Variants in DNAJC3 observed in about 807,000 individuals in gnomAD.
The protein encoded by DNAJC3 is DnaJ heat shock protein family (Hsp40) member C3.
In DNAJC3, 38 loss-of-function variants were observed where a neutral mutation model predicts 68.6. The observed-to-expected ratio is 0.55, with a 90% CI of 0.43 to 0.73. The LOEUF (loss-of-function observed/expected upper bound fraction) is 0.73. DNAJC3 is among the 30% of genes least tolerant of loss of function. The pLI is 0.00. For synonymous variants in DNAJC3, 203 were observed against 204.0 expected, an observed-to-expected ratio of 1.00 and a Z score of 0.04; for missense variants, 526 against 591.9, an observed-to-expected ratio of 0.89 and a Z score of 1.16.
chr13:95,701,088 A>C (rs1002446405), intron 1 of DNAJC3, among the ~76,000 whole-genome samples: 6 of 151,936 alleles, frequency 3.9e-5, no homozygotes, highest in Admixed American at 1.3e-4. Context: ...CATCCTTCCT[A>C]CTTTTCCTTC....
intron 4 of DNAJC3, among the ~76,000 whole-genome samples, chr13:95,754,059 T>G (rs764670181): frequency 2.0e-5 from 3 of 152,226 alleles, no homozygotes; most frequent in Non-Finnish European, 2.9e-5. Context: ...GTTAGCAGCT[T>G]AAGTAACACA....
intron 4 of DNAJC3, among the ~76,000 whole-genome samples, chr13:95,735,832 C>T (rs1017555117): frequency 6.8e-4 from 104 of 152,254 alleles, no homozygotes; most frequent in Non-Finnish European, 1.3e-3. Flanking sequence ...TTAATTAGAT[C>T]CCATTTGTCA....
Position 95,760,158 on chromosome 13 carries a change from C to G in DNAJC3, c.665C>G (p.Thr222Ser). Residue 222 changes from threonine to serine, a missense_variant, in exon 6 of 12, where the codon ACT (threonine) becomes AGT (serine). Transcript: ENST00000602402. ...KAASKLKNDN[T>S]EAFYKISTLY... Reference sequence around the variant, plus strand: ...GCGTCAAAGTTGAAGAATGATAATACTGAAGCGTTTTATAAAATAAGCACA... The same window carrying G: ...GCGTCAAAGTTGAAGAATGATAATAGTGAAGCGTTTTATAAAATAAGCACA... 6.2e-7 allele frequency: 1 copy of G among 1,612,300 alleles called. No individual in the cohort carries two copies. The highest frequency in any genetic ancestry group is 1.1e-5 in the South Asian group (1 of 90,846).
intron 1 of DNAJC3, chr13:95,693,244 C>T (rs1880329908): frequency 6.6e-6 from 1 of 152,202 alleles, no homozygotes; most frequent in African/African-American, 2.4e-5. Flanking sequence ...TTACTTCTTC[C>T]TCCCTTATTA....
In DNAJC3 at chr13:95,723,366, A is replaced by G. The variant is rs759927032; in HGVS notation, c.318A>G (p.Ala106=). The G allele has an allele frequency of 3.9e-5, 63 of 1,606,982 alleles. No homozygotes were observed. The highest frequency in any genetic ancestry group is 2.5e-6 in the Non-Finnish European group (3 of 1,176,884). ...KVIQLKMDFT[A]ARLQRGHLLL... is the part of the protein sequence containing the mutation. Reference sequence around the variant, plus strand: ...TTCAATTGAAGATGGACTTCACTGCAGTAAGTATATCTCAACTTTCTTTAA... The same window carrying G: ...TTCAATTGAAGATGGACTTCACTGCGGTAAGTATATCTCAACTTTCTTTAA... Residue 106 remains alanine, a splice_region_variant and synonymous_variant, in exon 3 of 12, where the codon GCA becomes GCG. Coordinates refer to ENST00000602402, the MANE Select transcript of DNAJC3 (RefSeq NM_006260.5).
At chr13:95,783,260 A>G (rs1883505584) in intron 9 of DNAJC3, among the ~76,000 whole-genome samples, 1 of 152,218 alleles carries the variant, frequency 6.6e-6, no homozygotes, top group African/African-American at 2.4e-5. Flanking sequence ...TGAATATAGG[A>G]AACAACCTAT....
chr13:95,678,624 C>T lies in DNAJC3; in HGVS notation c.82+1287C>T, dbSNP rs149930181. The stretch of plus-strand genomic sequence containing the variant: ...TTTTCAAAAGCTTCATTCCTCCTGC[C>T]CCCGCACCCCACCATCCCTCATCTG... On this transcript the variant is annotated intron_variant, in intron 1 of 11. Coordinates refer to ENST00000602402, the MANE Select transcript of DNAJC3 (RefSeq NM_006260.5). Among the ~76,000 whole-genome samples the T allele has an allele frequency of 3.6e-3, 546 of 152,238 alleles. 4 individuals carry two copies. The highest frequency in any genetic ancestry group is 0.012 in the African/African-American group (514 of 41,524).
rs549475946 is a variant in DNAJC3, at chr13:95,793,719, T to C, written c.*2689T>C. 6.6e-4 allele frequency: 100 copies of C among 152,174 alleles called. 1 individual carries two copies. In the Middle Eastern group the frequency reaches 0.01, roughly 15 times the overall value. The allele number at this position is 152,174 out of a possible 1,614,324, so 9.4% of individuals were successfully genotyped here. The stretch of plus-strand genomic sequence containing the variant: ...CCTTGTGATCTGCCCGCCTTGGCCT[T>C]CCAAAGTGTTGGGATTACAGGCGTG... On this transcript the variant is annotated 3_prime_UTR_variant, in exon 12 of 12. Coordinates refer to ENST00000602402, the MANE Select transcript of DNAJC3 (RefSeq NM_006260.5).
intron 4 of DNAJC3, among the ~76,000 whole-genome samples, chr13:95,735,460 C>T (rs1227518731): frequency 5.8e-5 from 8 of 137,872 alleles, no homozygotes; most frequent in East Asian, 2.1e-4. Context: ...GTTCCTATTT[C>T]TCCACATCCT....
intron 9 of DNAJC3, among the ~76,000 whole-genome samples, chr13:95,781,426 T>C (rs1461256792): frequency 6.6e-6 from 1 of 152,108 alleles, no homozygotes; most frequent in Non-Finnish European, 1.5e-5. Flanking sequence ...TGTGCTTGCA[T>C]TGTGGTTCTC....
intron 4 of DNAJC3, among the ~76,000 whole-genome samples, chr13:95,727,046 G>A (rs1881549663): frequency 6.6e-6 from 1 of 152,160 alleles, no homozygotes; most frequent in Non-Finnish European, 1.5e-5. Flanking sequence ...CTGGGTGGTG[G>A]GGAGGTGATA....
intron 9 of DNAJC3, among the ~76,000 whole-genome samples, chr13:95,771,795 A>AC (rs1355045661): frequency 1.0e-4 from 12 of 116,302 alleles, no homozygotes; most frequent in South Asian, 2.9e-4. Flanking sequence ...TTCCCATCCC[A>AC]CCCCCCCACA....
chr13:95,790,935 G>A lies in DNAJC3; in HGVS notation c.1420G>A (p.Gly474Ser), dbSNP rs371041029. The A allele has an allele frequency of 1.6e-5, 25 of 1,609,176 alleles. No homozygotes were observed. The highest frequency in any genetic ancestry group is 2.2e-5 in the East Asian group (1 of 44,844). ...PLDAESQQGG[G>S]GNPFHRSWNS... ...GGATGCAGAGAGCCAGCAAGGAGGC[G>A]GCGGCAACCCTTTCCACAGAAGCTG... Residue 474 changes from glycine (G) to serine (S), a missense_variant, in exon 12 of 12, where the codon GGC (glycine) becomes AGC (serine). Physicochemically the swap from Gly to Ser is moderately conservative, Grantham distance 56 (BLOSUM62 0). Coordinates refer to ENST00000602402, the MANE Select transcript of DNAJC3 (RefSeq NM_006260.5).
At chr13:95,777,943 T>C (rs924886995) in intron 9 of DNAJC3, among the ~76,000 whole-genome samples, 1 of 152,334 alleles carries the variant, frequency 6.6e-6, no homozygotes. Flanking sequence ...ATTGAAATTT[T>C]ATAGACTATG....
intron 4 of DNAJC3, among the ~76,000 whole-genome samples, chr13:95,726,457 G>A (rs1010678422): frequency 4.6e-5 from 7 of 152,074 alleles, no homozygotes; most frequent in Admixed American, 3.9e-4. Context: ...GTGTTTTTTG[G>A]CTGCATAAAT....
intron 4 of DNAJC3, among the ~76,000 whole-genome samples, chr13:95,734,742 T>C (rs918876291): frequency 1.3e-5 from 2 of 152,130 alleles, no homozygotes; most frequent in African/African-American, 4.8e-5. Flanking sequence ...TTTTTCTGAT[T>C]GGCTTATTTC....
intron 4 of DNAJC3, among the ~76,000 whole-genome samples, chr13:95,740,657 GCC>G (rs1882107017): frequency 6.6e-6 from 1 of 151,836 alleles, no homozygotes; most frequent in Non-Finnish European, 1.5e-5. Context: ...GCAATGCCTC[GCC>G]CTGCTTCGGC....
intron 9 of DNAJC3, 71 bp downstream of exon 9, chr13:95,764,024 T>C: frequency 1.3e-6 from 2 of 1,559,978 alleles, no homozygotes. Flanking sequence ...TAAGCTTCCT[T>C]TTCCTTAAAA....
At chr13:95,723,176 T>G in intron 2 of DNAJC3, 66 bp from the exon 3 acceptor site, 2 of 1,449,532 alleles carry the variant, frequency 1.4e-6, no homozygotes, top group Non-Finnish European at 1.9e-6. Flanking sequence ...GTCCAGGTGA[T>G]TTGTTTTTTT....
Sources: gnomAD v4.1 joint callset for allele counts (sites outside exome capture counted in the v4.1 genomes callset) on GRCh38, gnomAD v4.1.1 for gene constraint, MANE v1.5 for transcripts, NCBI Gene and HGNC (gene_info 2026-07-23, HGNC 2026-07-21) for gene names.